Variants in MGST1 observed in about 807,000 individuals in gnomAD.
The protein encoded by MGST1 is microsomal glutathione S-transferase 1, also known as glutathione S-transferase 12.
MGST1 carries 5 observed loss-of-function variants against 8.9 expected under a neutral mutation model. The observed-to-expected ratio is 0.56, with a 90% CI of 0.29 to 1.19. The LOEUF (loss-of-function observed/expected upper bound fraction) is 1.19. Ranked by LOEUF, MGST1 falls within the 50% of genes most tolerant of loss-of-function variation. The pLI is 0.08. For synonymous variants in MGST1, 54 were observed against 67.8 expected, an observed-to-expected ratio of 0.80 and a Z score of 1.00; for missense variants, 182 against 187.4, an observed-to-expected ratio of 0.97 and a Z score of 0.17.
Position 16,357,700 on chromosome 12 carries a change from G to A in MGST1, c.221+1G>A, listed in dbSNP as rs182826554. ...ATGACAGAGTAGAACGTGTACGCAG[G>A]TAAACCAGTGTCTCTTGAAATTACT... On this transcript the variant is annotated splice_donor_variant, in intron 3 of 3. Transcript: ENST00000396210. LOFTEE classifies it high-confidence loss of function. 118 of 1,608,042 alleles carry A rather than the reference G, an allele frequency of 7.3e-5. 1 individual carries two copies. The Admixed American group carries it at 1.9e-3, about 26-fold the overall frequency.
At chr12:16,426,465 C>T (rs1940889823) in intron 1 of MGST1, among the ~76,000 whole-genome samples, 1 of 152,152 alleles carries the variant, frequency 6.6e-6, no homozygotes, top group Admixed American at 6.5e-5. Flanking sequence ...CCCCTTTAAA[C>T]CAAATAAGTT....
intron 4 of MGST1, among the ~76,000 whole-genome samples, chr12:16,521,322 GTTTT>G (rs1941647494): frequency 6.6e-6 from 1 of 152,046 alleles, no homozygotes; most frequent in South Asian, 2.1e-4. Flanking sequence ...GAAGTACAAT[GTTTT>G]GAACTTTCTA....
At chr12:16,515,568 T>C (rs542038292) in intron 4 of MGST1, among the ~76,000 whole-genome samples, 2 of 142,540 alleles carry the variant, frequency 1.4e-5, no homozygotes, top group African/African-American at 5.3e-5. Flanking sequence ...AGGCGGAGGG[T>C]GCAGTGAGCC....
intron 4 of MGST1, among the ~76,000 whole-genome samples, chr12:16,481,304 CA>C (rs1941362862): frequency 6.6e-6 from 1 of 152,126 alleles, no homozygotes; most frequent in South Asian, 2.1e-4. Flanking sequence ...TCAGGGGAAG[CA>C]ACAACATAAT....
rs1224735804 is a variant in MGST1 at position 16,546,908 on chromosome 12, T to G, written n.483-42620T>G. On this transcript the variant is annotated intron_variant and non_coding_transcript_variant, in intron 4 of 4. Transcript: ENST00000538857. This position sits in a 1 kb window ranked among gnomAD's most constrained non-coding sequence, Gnocchi z 4.7. The stretch of plus-strand genomic sequence containing the variant: ...GCAAAACTGGCAATGATCATGCATA[T>G]TTTAGTCTTCAGGAAAAGTTACTGA... 6.6e-6 allele frequency among the ~76,000 whole-genome samples: 1 copy of G among 152,098 alleles called. No individual in the cohort carries two copies. The highest frequency in any genetic ancestry group is 1.5e-5 in the Non-Finnish European group (1 of 67,998).
In MGST1 at chr12:16,358,779, C is replaced by CTTTTTTTTTTTTTTT. The variant is rs35081887; in HGVS notation, c.221+1095_221+1109dup. 3.3e-4 allele frequency among the ~76,000 whole-genome samples: 19 copies of CTTTTTTTTTTTTTTT among 57,582 alleles called. 2 individuals are homozygous for CTTTTTTTTTTTTTTT. The highest frequency in any genetic ancestry group is 1.0e-3 in the Admixed American group (4 of 3,848). 37.8% of individuals were successfully genotyped at this position (57,582 alleles called of 152,430 possible). The stretch of plus-strand genomic sequence containing the variant: ...CACCGGACCTGGCCAAAATTCATTC[C>CTTTTTTTTTTTTTTT]TTTTTTTTTTTTTTTTTTTTTTTTT... On this transcript the variant is annotated intron_variant, in intron 3 of 3. Transcript: ENST00000396210.
chr12:16,356,140 GATACTATCAC>G (rs1289416452), intron 2 of MGST1, among the ~76,000 whole-genome samples: 1 of 152,140 alleles, frequency 6.6e-6, no homozygotes, highest in Non-Finnish European at 1.5e-5. Flanking sequence ...TCATATCCCA[GATACTATCAC>G]ATCGAAGATT....
At position 16,465,026 on chromosome 12, in the gene MGST1, C is replaced by T. The variant is rs562611612; in HGVS notation, n.482+81422C>T. ...AACTAGAAATACTGTACTCCTGTACCAACACTGCCTCTGAGAAGAGAAGTG... is the reference window on the plus strand; with the variant it reads ...AACTAGAAATACTGTACTCCTGTACTAACACTGCCTCTGAGAAGAGAAGTG... On this transcript the variant is annotated intron_variant and non_coding_transcript_variant, in intron 4 of 4. Coordinates refer to the MGST1 transcript ENST00000538857. 9.9e-5 allele frequency among the ~76,000 whole-genome samples: 15 copies of T among 152,220 alleles called. No individual in the cohort carries two copies. In the South Asian group the frequency reaches 2.1e-3, roughly 21 times the overall value.
chr12:16,467,047 T>A (rs1336982337), intron 4 of MGST1, among the ~76,000 whole-genome samples: 2 of 152,046 alleles, frequency 1.3e-5, no homozygotes, highest in Non-Finnish European at 2.9e-5. Flanking sequence ...GCACAGACAG[T>A]GTTCTTTTAT....
intron 2 of MGST1, 200 bp downstream of exon 2, chr12:16,354,578 G>C (rs867595583): frequency 2.5e-6 from 1 of 405,508 alleles, no homozygotes; most frequent in Non-Finnish European, 4.3e-6. Context: ...CTAGTAAATG[G>C]TTTTTTCATT....
intron 4 of MGST1, among the ~76,000 whole-genome samples, chr12:16,480,148 T>G (rs1273675751): frequency 6.7e-6 from 1 of 149,874 alleles, no homozygotes; most frequent in East Asian, 1.9e-4. Flanking sequence ...TTTGCTTTTT[T>G]TTTTTTTTTT....
At chr12:16,515,872 C>T (rs955508777) in intron 4 of MGST1, among the ~76,000 whole-genome samples, 1 of 152,004 alleles carries the variant, frequency 6.6e-6, no homozygotes, top group Non-Finnish European at 1.5e-5. Flanking sequence ...GACGCACAGG[C>T]TAGTACTAGG....
intron 4 of MGST1, among the ~76,000 whole-genome samples, chr12:16,466,222 C>T (rs1032742414): frequency 2.6e-5 from 4 of 152,106 alleles, no homozygotes; most frequent in East Asian, 1.9e-4. Context: ...TACTGAGCCT[C>T]GAAGGAGGCT....
chr12:16,479,535 C>CTTTTTTTTTTTT lies in MGST1; in HGVS notation n.482+95936_482+95947dup, dbSNP rs71054820. 6.2e-5 allele frequency among the ~76,000 whole-genome samples: 7 copies of CTTTTTTTTTTTT among 113,094 alleles called. No homozygotes were observed. In the East Asian group the frequency reaches 7.6e-4, roughly 12 times the overall value. 74.2% of individuals were successfully genotyped at this position (113,094 alleles called of 152,430 possible). ...AGGCGTGAGCCACTGCGCCCGGCCT[C>CTTTTTTTTTTTT]TTTTTTTTTTTTTTTTGAGACAGGG... is the stretch of plus-strand genomic sequence containing the variant. On this transcript the variant is annotated intron_variant and non_coding_transcript_variant, in intron 4 of 4. Transcript: ENST00000538857.
chr12:16,372,353 T>C (rs1405135536), intron 3 of MGST1, among the ~76,000 whole-genome samples: 1 of 151,982 alleles, frequency 6.6e-6, no homozygotes, highest in Non-Finnish European at 1.5e-5. Flanking sequence ...AGTAATCCAC[T>C]TAAAAATGGG....
rs1224538232 is a variant in MGST1, at chr12:16,363,576, A to G, written c.222-219A>G. The stretch of plus-strand genomic sequence containing the variant: ...TACAAAATGCCTTCTGTGATATTTA[A>G]AGATACACTAAAAATAAAAAGAAAC... On this transcript the variant is annotated intron_variant, in intron 3 of 3. Transcript: ENST00000396210. The surrounding 1 kb of genome is among the most constrained non-coding windows in gnomAD (Gnocchi z 4.6). The G allele has an allele frequency of 2.9e-6, 1 of 344,222 alleles. No individual in the cohort carries two copies. Among genetic ancestry groups the G allele is most frequent in the African/African-American group, 2.1e-5 (1 of 48,262 alleles). The allele number at this position is 344,222 out of a possible 1,614,324, so 21.3% of individuals were successfully genotyped here.
chr12:16,439,511 C>T (rs563440499), downstream of MGST1, among the ~76,000 whole-genome samples: 3 of 151,850 alleles, frequency 2.0e-5, no homozygotes, highest in African/African-American at 7.2e-5. Flanking sequence ...CTTGATTCAC[C>T]ATAGCCTTGC....
intron 1 of MGST1, among the ~76,000 whole-genome samples, chr12:16,415,827 C>T (rs1236258668): frequency 6.6e-6 from 1 of 152,034 alleles, no homozygotes; most frequent in Non-Finnish European, 1.5e-5. Flanking sequence ...TACTGTATAC[C>T]TAGCTACACA....
At position 16,587,382 on chromosome 12, in the gene MGST1, AT is replaced by A. The variant is rs1463417952; in HGVS notation, n.483-2143del. Among the ~76,000 whole-genome samples, 2 of 152,188 alleles carry A rather than the reference AT, an allele frequency of 1.3e-5. No homozygotes were observed. Among genetic ancestry groups the A allele is most frequent in the African/African-American group, 4.8e-5 (2 of 41,452 alleles). On this transcript the variant is annotated intron_variant and non_coding_transcript_variant, in intron 4 of 4. Coordinates refer to the MGST1 transcript ENST00000538857. The surrounding 1 kb of genome is among the most constrained non-coding windows in gnomAD (Gnocchi z 4.3). ...CATTCTTAAAACGTTTCACTTAAAC[AT>A]TTCTGCAATAAAATCTTATTGAACT...
Sources: allele counts gnomAD v4.1 joint callset (sites outside exome capture counted in the v4.1 genomes callset), GRCh38; gene constraint gnomAD v4.1.1; non-coding constraint Gnocchi (gnomAD v3.1); transcripts MANE v1.5; gene names NCBI Gene and HGNC (gene_info 2026-07-23, HGNC 2026-07-21).